Variants in DLGAP2 observed in about 807,000 individuals in gnomAD.
DLGAP2 encodes the protein disks large-associated protein 2.
In DLGAP2, 26 loss-of-function variants were observed where a neutral mutation model predicts 100.3. The ratio of observed to expected loss-of-function variants is 0.26; its 90% confidence interval spans 0.19 to 0.36. DLGAP2 has a LOEUF of 0.36. Ranked by LOEUF, DLGAP2 falls within the 10% of genes least tolerant of loss-of-function variation. The pLI is 1.00. For missense variants in DLGAP2, 1,858 were observed against 1,453.2 expected, an observed-to-expected ratio of 1.28 and a Z score of -4.53; for synonymous variants, 886 against 630.1, an observed-to-expected ratio of 1.41 and a Z score of -6.08.
In DLGAP2 at chr8:827,340, G is replaced by T. The variant is rs150586023; in HGVS notation, c.19-80572G>T. ...AGGATTTTTCATGGGTGTTCTTAGGGCATTGAATGGTAGCAGACTTGCATG... is the reference window on the plus strand; with the variant it reads ...AGGATTTTTCATGGGTGTTCTTAGGTCATTGAATGGTAGCAGACTTGCATG... On this transcript the variant is annotated intron_variant, in intron 1 of 14. Coordinates refer to ENST00000637795, the MANE Select transcript of DLGAP2 (RefSeq NM_001346810.2). 3.4e-3 allele frequency among the ~76,000 whole-genome samples: 515 copies of T among 152,266 alleles called. 4 individuals are homozygous for T. The highest frequency in any genetic ancestry group is 0.012 in the African/African-American group (494 of 41,532).
chr8:877,412 G>A (rs369925906), intron 1 of DLGAP2, among the ~76,000 whole-genome samples: 1 of 152,170 alleles, frequency 6.6e-6, no homozygotes, highest in African/African-American at 2.4e-5. Flanking sequence ...TTGGGGGCAG[G>A]GGTTGCAGCT....
chr8:1,235,538 TTCTCTCACA>T (rs1798632963), intron 2 of DLGAP2, among the ~76,000 whole-genome samples: 1 of 14,994 alleles, frequency 6.7e-5, no homozygotes. Flanking sequence ...TCATGTCTAG[TTCTCTCACA>T]TGGCGCCATG....
chr8:1,435,256 C>T (rs1448674158), intron 3 of DLGAP2, among the ~76,000 whole-genome samples: 1 of 152,124 alleles, frequency 6.6e-6, no homozygotes, highest in Non-Finnish European at 1.5e-5. Flanking sequence ...GCAACAAAGC[C>T]TTTTTGTAAG....
rs74304042 is a variant in DLGAP2, at chr8:1,658,092, T to G, written c.1811-10237T>G. On this transcript the variant is annotated intron_variant, in intron 8 of 14. Transcript: ENST00000637795. ...CCCAGGGGATTGGTTAGACCAGATG[T>G]GACATTTACATAGTTCGCAAAAAGA... Among the ~76,000 whole-genome samples, 1,425 of 152,198 alleles carry G rather than the reference T, an allele frequency of 9.4e-3. 25 individuals carry two copies. The highest frequency in any genetic ancestry group is 0.032 in the African/African-American group (1,327 of 41,504).
At chr8:1,530,482 T>C (rs1800953806) in intron 4 of DLGAP2, among the ~76,000 whole-genome samples, 1 of 152,168 alleles carries the variant, frequency 6.6e-6, no homozygotes. Flanking sequence ...TGCTGTACAA[T>C]TTGTGCAGTT....
intron 1 of DLGAP2, among the ~76,000 whole-genome samples, chr8:831,023 G>T (rs1394980476): frequency 6.6e-6 from 1 of 151,246 alleles, no homozygotes; most frequent in African/African-American, 2.4e-5. Context: ...AGCCTCCCAA[G>T]TAGCTGGCAT....
intron 2 of DLGAP2, among the ~76,000 whole-genome samples, chr8:1,203,438 T>G (rs1797924322): frequency 6.6e-6 from 1 of 151,986 alleles, no homozygotes; most frequent in Admixed American, 6.5e-5. Context: ...ACCCTGAGAG[T>G]TGAAGCTTCA....
intron 2 of DLGAP2, among the ~76,000 whole-genome samples, chr8:1,227,879 T>G (rs1426378214): frequency 2.0e-5 from 3 of 152,224 alleles, no homozygotes; most frequent in African/African-American, 7.2e-5. Flanking sequence ...AATTATTTAT[T>G]GCTAAATTAG....
chr8:865,765 G>A (rs903110584), intron 1 of DLGAP2, among the ~76,000 whole-genome samples: 4 of 152,192 alleles, frequency 2.6e-5, no homozygotes, highest in Non-Finnish European at 4.4e-5. Context: ...TTTCTCTCCT[G>A]GCAGGGATGG....
chr8:1,164,154 G>GAACCCCCC (rs1796952155), intron 2 of DLGAP2, among the ~76,000 whole-genome samples: 1 of 95,958 alleles, frequency 1.0e-5, no homozygotes, highest in Non-Finnish European at 2.2e-5. Flanking sequence ...ATTTTTCTGT[G>GAACCCCCC]AGCCCCCCAG....
At chr8:887,265 C>G (rs1296551207) in intron 1 of DLGAP2, among the ~76,000 whole-genome samples, 1 of 151,758 alleles carries the variant, frequency 6.6e-6, no homozygotes, top group Non-Finnish European at 1.5e-5. Flanking sequence ...CTACATGTGT[C>G]TTTGCATGTA....
chr8:1,169,620 A>G (rs926127521), intron 2 of DLGAP2, among the ~76,000 whole-genome samples: 6 of 152,122 alleles, frequency 3.9e-5, no homozygotes, highest in African/African-American at 1.2e-4. Context: ...CTGCATTCCT[A>G]GGTATTTTAT....
At chr8:1,569,403 G>A (rs757525239) in intron 6 of DLGAP2, among the ~76,000 whole-genome samples, 12 of 152,322 alleles carry the variant, frequency 7.9e-5, no homozygotes, top group Non-Finnish European at 1.2e-4. Context: ...GATGGGTCTG[G>A]ACAGCGACCT....
chr8:1,069,439 TC>T (rs911992496), intron 2 of DLGAP2, among the ~76,000 whole-genome samples: 4 of 152,066 alleles, frequency 2.6e-5, no homozygotes, highest in South Asian at 2.1e-4. Flanking sequence ...GCCCTTAAGG[TC>T]AACTGTAACA....
In DLGAP2 at chr8:1,420,282, C is replaced by T. The variant is rs550551760; in HGVS notation, c.107-81084C>T. 3.3e-5 allele frequency among the ~76,000 whole-genome samples: 5 copies of T among 152,236 alleles called. No individual in the cohort carries two copies. In the East Asian group the frequency reaches 5.8e-4, roughly 18 times the overall value. On this transcript the variant is annotated intron_variant, in intron 3 of 14. Transcript: ENST00000637795. ...AATGACTAAGGACTGTCCTTTCAAC[C>T]TTTATTGCCCTTATTACTTAGGAAA... is the stretch of plus-strand genomic sequence containing the variant.
chr8:1,006,484 G>A (rs1349475027), intron 2 of DLGAP2, among the ~76,000 whole-genome samples: 1 of 123,806 alleles, frequency 8.1e-6, no homozygotes, highest in African/African-American at 3.1e-5. Flanking sequence ...ATCACATCGG[G>A]GACACCGTGT....
intron 3 of DLGAP2, among the ~76,000 whole-genome samples, chr8:1,421,117 T>C (rs960200335): frequency 6.6e-6 from 1 of 152,174 alleles, no homozygotes; most frequent in Non-Finnish European, 1.5e-5. Flanking sequence ...AAATAACTTA[T>C]CCAAAGTATG....
At chr8:1,484,166 A>G (rs1384314730) in intron 3 of DLGAP2, among the ~76,000 whole-genome samples, 2 of 152,218 alleles carry the variant, frequency 1.3e-5, no homozygotes, top group African/African-American at 4.8e-5. Flanking sequence ...CCAGGTGCCA[A>G]GGCCACAGCC....
intron 2 of DLGAP2, among the ~76,000 whole-genome samples, chr8:1,234,249 C>T (rs538911353): frequency 5.3e-5 from 8 of 152,284 alleles, no homozygotes; most frequent in African/African-American, 1.9e-4. Flanking sequence ...TGAGTGGAAC[C>T]AGCACAGGAA....
Sources: gnomAD v4.1 joint callset for allele counts (sites outside exome capture counted in the v4.1 genomes callset) on GRCh38, gnomAD v4.1.1 for gene constraint, MANE v1.5 for transcripts, NCBI Gene and HGNC (gene_info 2026-07-23, HGNC 2026-07-21) for gene names.